The following GABRG3 variants were observed in gnomAD, a reference collection of about 807,000 sequenced individuals.
GABRG3 encodes gamma-aminobutyric acid type A receptor subunit gamma3, also known as gamma-aminobutyric acid receptor subunit gamma-3.
In GABRG3, 25 loss-of-function variants were observed where a neutral mutation model predicts 48.8. The observed-to-expected ratio is 0.51, with a 90% CI of 0.37 to 0.72. The LOEUF (loss-of-function observed/expected upper bound fraction) is 0.72, where lower values mean the gene tolerates loss of function less well. Among genes scored for constraint, GABRG3 ranks in the 30% least tolerant of loss-of-function variants. The pLI, the probability that GABRG3 is intolerant of heterozygous loss-of-function variation, is 0.00. For synonymous variants in GABRG3, 227 were observed against 217.6 expected (o/e 1.04, Z -0.38); for missense variants, 394 against 577.9 (o/e 0.68, Z 3.26).
intron 3 of GABRG3, among the ~76,000 whole-genome samples, chr15:27,230,025 T>C (rs1381096773): frequency 6.6e-6 from 1 of 152,230 alleles, no homozygotes; most frequent in Non-Finnish European, 1.5e-5. Context: ...TTCCTATCCA[T>C]GAGCATGGGA....
chr15:27,472,487 G>A (rs921175298), intron 5 of GABRG3, among the ~76,000 whole-genome samples: 1 of 152,084 alleles, frequency 6.6e-6, no homozygotes, highest in Non-Finnish European at 1.5e-5. Context: ...TGTTGGCCAG[G>A]CTGGTCTTGA....
chr15:27,325,952 A>C (rs1029211947), intron 3 of GABRG3, among the ~76,000 whole-genome samples: 1 of 152,226 alleles, frequency 6.6e-6, no homozygotes, highest in Non-Finnish European at 1.5e-5. Context: ...AATCCCTTAC[A>C]ATCAGCCTCT....
intron 2 of GABRG3, among the ~76,000 whole-genome samples, chr15:27,003,938 G>A (rs1895516969): frequency 6.7e-6 from 1 of 148,488 alleles, no homozygotes; most frequent in Non-Finnish European, 1.5e-5. Flanking sequence ...CCGGGCAGAG[G>A]CGCCCCTCAC....
At chr15:27,381,210 C>T (rs1895765113) in intron 5 of GABRG3, among the ~76,000 whole-genome samples, 1 of 152,170 alleles carries the variant, frequency 6.6e-6, no homozygotes, top group Non-Finnish European at 1.5e-5. Context: ...TTCTCTTTCT[C>T]CAACTTGGTT....
chr15:27,133,258 C>A (rs1897952113), intron 3 of GABRG3, among the ~76,000 whole-genome samples: 1 of 152,036 alleles, frequency 6.6e-6, no homozygotes. Context: ...TTCTACCAGC[C>A]TATTGAGAAG....
intron 5 of GABRG3, among the ~76,000 whole-genome samples, chr15:27,379,553 T>G (rs1004205629): frequency 6.6e-6 from 1 of 152,230 alleles, no homozygotes; most frequent in African/African-American, 2.4e-5. Context: ...GTTTCTGACC[T>G]ATATCATTTT....
At chr15:27,040,227 C>T (rs144553910) in intron 3 of GABRG3, among the ~76,000 whole-genome samples, 92 of 152,344 alleles carry the variant, frequency 6.0e-4, no homozygotes, top group African/African-American at 2.1e-3. Context: ...GCCAGGCTTC[C>T]GTCCACAGAA....
At chr15:27,497,081 C>A (rs1389829844) in intron 6 of GABRG3, among the ~76,000 whole-genome samples, 1 of 152,196 alleles carries the variant, frequency 6.6e-6, no homozygotes, top group South Asian at 2.1e-4. Context: ...CCCACAGACA[C>A]GGTCACTCTC....
chr15:27,146,608 C>T (rs1898214338), intron 3 of GABRG3, among the ~76,000 whole-genome samples: 1 of 151,994 alleles, frequency 6.6e-6, no homozygotes, highest in Admixed American at 6.6e-5. Flanking sequence ...TGTTGATGGA[C>T]ATCATAATAT....
At chr15:27,183,216 ATGT>A (rs1043030039) in intron 3 of GABRG3, among the ~76,000 whole-genome samples, 4 of 151,916 alleles carry the variant, frequency 2.6e-5, no homozygotes, top group Non-Finnish European at 4.4e-5. Flanking sequence ...GTATCTGATC[ATGT>A]TGTTGTGTAT....
chr15:27,030,344 A>C (rs1896061410), intron 3 of GABRG3, among the ~76,000 whole-genome samples: 1 of 152,124 alleles, frequency 6.6e-6, no homozygotes, highest in South Asian at 2.1e-4. Context: ...TATTATTAAC[A>C]CTGAAGATTC....
At chr15:27,143,241 G>T (rs1037867897) in intron 3 of GABRG3, among the ~76,000 whole-genome samples, 3 of 152,114 alleles carry the variant, frequency 2.0e-5, no homozygotes, top group Admixed American at 2.0e-4. Context: ...ACCACGCCTG[G>T]ATAATTTTTA....
chr15:27,226,655 G>A (rs1189324981), intron 3 of GABRG3, among the ~76,000 whole-genome samples: 1 of 152,246 alleles, frequency 6.6e-6, no homozygotes, highest in Non-Finnish European at 1.5e-5. Flanking sequence ...ACTATGCGGG[G>A]CAGTTGGCTG....
Position 27,290,901 on chromosome 15 carries a change from G to A in GABRG3, c.271-35908G>A, listed in dbSNP as rs558928549. Among the ~76,000 whole-genome samples, 5 of 152,098 alleles carry A rather than the reference G, an allele frequency of 3.3e-5. No individual in the cohort carries two copies. The South Asian group carries it at 6.2e-4, about 19-fold the overall frequency. On this transcript the variant is annotated intron_variant, in intron 3 of 9. Transcript: ENST00000615808. ...TACTAATGTAATATGTCAATAATAC[G>A]AAAAAGTAGGTGTGGAATATTTAAC...
At chr15:27,308,242 A>G (rs866745089) in intron 3 of GABRG3, among the ~76,000 whole-genome samples, 1 of 135,564 alleles carries the variant, frequency 7.4e-6, no homozygotes, top group South Asian at 2.3e-4. Context: ...ATATCCAAAC[A>G]TATATAAACA....
At chr15:27,312,840 C>T (rs1893041724) in intron 3 of GABRG3, among the ~76,000 whole-genome samples, 2 of 151,746 alleles carry the variant, frequency 1.3e-5, no homozygotes, top group Non-Finnish European at 2.9e-5. Flanking sequence ...AAAAAAATCT[C>T]ATTAGTATAA....
intron 3 of GABRG3, among the ~76,000 whole-genome samples, chr15:27,240,400 T>C (rs1890098362): frequency 6.6e-6 from 1 of 152,132 alleles, no homozygotes. Context: ...CAGTGAGGCA[T>C]CATATCGATT....
chr15:27,196,104 C>T (rs942515626), intron 3 of GABRG3, among the ~76,000 whole-genome samples: 26 of 152,202 alleles, frequency 1.7e-4, no homozygotes, highest in Non-Finnish European at 1.5e-5. Flanking sequence ...CCCACTGACA[C>T]CACCCTTGCA....
intron 3 of GABRG3, among the ~76,000 whole-genome samples, chr15:27,290,484 C>A (rs1891759879): frequency 6.6e-6 from 1 of 152,106 alleles, no homozygotes; most frequent in African/African-American, 2.4e-5. Context: ...AGGGTGACAT[C>A]AGCAGGGCTA....
Sources: allele counts gnomAD v4.1 joint callset (sites outside exome capture counted in the v4.1 genomes callset), GRCh38; gene constraint gnomAD v4.1.1; transcripts MANE v1.5; gene names NCBI Gene and HGNC (gene_info 2026-07-23, HGNC 2026-07-21).